RIN3: variants seen among roughly 807,000 people sequenced by gnomAD.
The protein encoded by RIN3 is Ras and Rab interactor 3.
Under a neutral mutation model 76.3 loss-of-function variants are expected in RIN3, and 54 were observed. The observed-to-expected ratio is 0.71, with a 90% confidence interval of 0.57 to 0.89. RIN3 has a LOEUF of 0.89. RIN3 is among the 40% of genes least tolerant of loss of function. The pLI is 0.00. For synonymous variants in RIN3, 576 were observed against 564.0 expected, an observed-to-expected ratio of 1.02 and a Z score of -0.30; for missense variants, 1,256 against 1,322.1, an observed-to-expected ratio of 0.95 and a Z score of 0.78.
rs374726891 is a variant in RIN3, at chr14:92,523,378, C to T, written c.44+9402C>T. On this transcript the variant is annotated intron_variant, in intron 1 of 9. Coordinates refer to ENST00000216487, the MANE Select transcript of RIN3 (RefSeq NM_024832.5). The stretch of plus-strand genomic sequence containing the variant: ...CCACCCATCCTGGCCTCCCAAAGTG[C>T]TGGGATTACAGGCGTGAGCCACCGT... 2.0e-4 allele frequency among the ~76,000 whole-genome samples: 31 copies of T among 152,362 alleles called. No individual in the cohort carries two copies. The East Asian group carries it at 2.1e-3, about 10-fold the overall frequency.
chr14:92,563,517 A>G (rs899221621), intron 2 of RIN3, among the ~76,000 whole-genome samples: 1 of 152,066 alleles, frequency 6.6e-6, no homozygotes, highest in Non-Finnish European at 1.5e-5. Flanking sequence ...TGTGATCTCT[A>G]TTCTATAAGG....
chr14:92,557,489 G>A (rs750384117), intron 2 of RIN3, among the ~76,000 whole-genome samples: 1 of 152,250 alleles, frequency 6.6e-6, no homozygotes, highest in East Asian at 1.9e-4. Flanking sequence ...GAGTCCAGAC[G>A]TATAAGTACA....
intron 3 of RIN3, among the ~76,000 whole-genome samples, chr14:92,589,582 T>C (rs1173381342): frequency 1.3e-5 from 2 of 152,176 alleles, no homozygotes; most frequent in African/African-American, 4.8e-5. Flanking sequence ...CTTTCATCAG[T>C]TGTGAGATCT....
chr14:92,519,351 C>G (rs1896529639), intron 1 of RIN3, among the ~76,000 whole-genome samples: 1 of 152,164 alleles, frequency 6.6e-6, no homozygotes, highest in South Asian at 2.1e-4. Context: ...TTTTGGGAGC[C>G]CACTTTGGGG....
chr14:92,661,419 C>G (rs1887876100), intron 7 of RIN3, among the ~76,000 whole-genome samples: 1 of 152,148 alleles, frequency 6.6e-6, no homozygotes, highest in Non-Finnish European at 1.5e-5. Context: ...TGTCCTGCGA[C>G]CATGTGTTAG....
Position 92,623,961 on chromosome 14 carries a change from C to G in RIN3, c.440+8482C>G, listed in dbSNP as rs559738552. On this transcript the variant is annotated intron_variant, in intron 4 of 9. Transcript: ENST00000216487. This position sits in a 1 kb window ranked among gnomAD's most constrained non-coding sequence, Gnocchi z 4.9. ...GAGAGAGTTCGACAGAATTCACTAT[C>G]CCAGGCTGTAGGGTGTTGGAAAAGA... 6.6e-6 allele frequency among the ~76,000 whole-genome samples: 1 copy of G among 152,188 alleles called. No individual in the cohort carries two copies. Among genetic ancestry groups the G allele is most frequent in the Non-Finnish European group, 1.5e-5 (1 of 68,038 alleles).
rs138225716 is a variant in RIN3 at position 92,656,901 on chromosome 14, G to A, written c.2027-2260G>A. 3.0e-3 allele frequency among the ~76,000 whole-genome samples: 460 copies of A among 152,338 alleles called. 12 individuals are homozygous for A. In the South Asian group the frequency reaches 0.045, roughly 15 times the overall value. ...GCCCAAGAAGCCACAGCTCAGAGAGGTTTGGTGACCTGGCCATGAGGACAG... is the reference window on the plus strand; with the variant it reads ...GCCCAAGAAGCCACAGCTCAGAGAGATTTGGTGACCTGGCCATGAGGACAG... On this transcript the variant is annotated intron_variant, in intron 6 of 9. Coordinates refer to ENST00000216487, the MANE Select transcript of RIN3 (RefSeq NM_024832.5). This position sits in a 1 kb window ranked among gnomAD's most constrained non-coding sequence, Gnocchi z 5.2.
chr14:92,542,848 T>C (rs1897158104), intron 1 of RIN3, among the ~76,000 whole-genome samples: 2 of 152,152 alleles, frequency 1.3e-5, no homozygotes, highest in African/African-American at 2.4e-5. Flanking sequence ...GACCACATAG[T>C]GTATGCCTCT....
At chr14:92,595,838 A>G (rs907217371) in intron 3 of RIN3, among the ~76,000 whole-genome samples, 2 of 152,214 alleles carry the variant, frequency 1.3e-5, no homozygotes, top group African/African-American at 2.4e-5. Context: ...AGGAAAATAC[A>G]TGTTGCTCAG....
At chr14:92,598,906 C>A (rs1301999828) in intron 3 of RIN3, among the ~76,000 whole-genome samples, 1 of 152,132 alleles carries the variant, frequency 6.6e-6, no homozygotes, top group Non-Finnish European at 1.5e-5. Context: ...GAGTGAGACC[C>A]CAGGGTAACA....
At chr14:92,636,323 C>T (rs1029673646) in intron 4 of RIN3, among the ~76,000 whole-genome samples, 2 of 152,242 alleles carry the variant, frequency 1.3e-5, no homozygotes, top group South Asian at 2.1e-4. Context: ...CAGCGGCTCA[C>T]GCCTGTAATC....
In RIN3 at chr14:92,568,335, T is replaced by C. The variant is rs563932704; in HGVS notation, c.250-9025T>C. ...CGAGTGGGCAGGGAGGCAATGTAGA[T>C]ATAAACAACTCATGAAGATGGCTGC... On this transcript the variant is annotated intron_variant, in intron 2 of 9. Transcript: ENST00000216487. The surrounding 1 kb of genome is among the most constrained non-coding windows in gnomAD (Gnocchi z 4.2). Among the ~76,000 whole-genome samples the C allele has an allele frequency of 6.6e-6, 1 of 152,136 alleles. No homozygotes were observed. The highest frequency in any genetic ancestry group is 1.9e-4 in the East Asian group (1 of 5,196).
intron 2 of RIN3, among the ~76,000 whole-genome samples, chr14:92,556,213 C>A (rs1409871370): frequency 1.3e-5 from 2 of 152,074 alleles, no homozygotes; most frequent in Non-Finnish European, 2.9e-5. Context: ...GGCTTGCAGG[C>A]TCTCAGGGCA....
chr14:92,617,068 G>A (rs923541889), intron 4 of RIN3, among the ~76,000 whole-genome samples: 3 of 152,286 alleles, frequency 2.0e-5, no homozygotes, highest in Non-Finnish European at 4.4e-5. Flanking sequence ...GGAGGCCGAG[G>A]CCGGTGGATC....
At chr14:92,572,153 C>T (rs1049740757) in intron 2 of RIN3, among the ~76,000 whole-genome samples, 2 of 152,232 alleles carry the variant, frequency 1.3e-5, no homozygotes, top group African/African-American at 4.8e-5. Context: ...CTTCCAGGGT[C>T]TTGTGTCCGT....
intron 2 of RIN3, among the ~76,000 whole-genome samples, chr14:92,562,729 C>G (rs916871525): frequency 6.6e-6 from 1 of 152,090 alleles, no homozygotes; most frequent in Non-Finnish European, 1.5e-5. Flanking sequence ...ATATAAGATA[C>G]TCCATGCTCA....
At chr14:92,677,809 C>T (rs1888520755) in intron 8 of RIN3, among the ~76,000 whole-genome samples, 1 of 151,794 alleles carries the variant, frequency 6.6e-6, no homozygotes, top group African/African-American at 2.4e-5. Context: ...CCCATCCATC[C>T]ATGCATCCAC....
At chr14:92,540,110 C>T (rs1047611087) in intron 1 of RIN3, among the ~76,000 whole-genome samples, 6 of 152,202 alleles carry the variant, frequency 3.9e-5, no homozygotes, top group African/African-American at 1.4e-4. Flanking sequence ...AGGCCTGCAG[C>T]GCACACAGAT....
At chr14:92,594,131 A>G (rs1002856880) in intron 3 of RIN3, among the ~76,000 whole-genome samples, 1 of 152,058 alleles carries the variant, frequency 6.6e-6, no homozygotes, top group Non-Finnish European at 1.5e-5. Context: ...CTTAAAAAAA[A>G]TTTAAAAGGC....
Sources: gnomAD v4.1 joint callset for allele counts (sites outside exome capture counted in the v4.1 genomes callset) on GRCh38, gnomAD v4.1.1 for gene constraint, Gnocchi (gnomAD v3.1) non-coding constraint, MANE v1.5 for transcripts, NCBI Gene and HGNC (gene_info 2026-07-23, HGNC 2026-07-21) for gene names.